KIF20B: variants seen among roughly 807,000 people sequenced by gnomAD.
KIF20B encodes kinesin-like protein KIF20B.
A neutral mutation model predicts 232.5 loss-of-function variants in KIF20B; 188 were observed. The ratio of observed to expected loss-of-function variants is 0.81; its 90% CI spans 0.72 to 0.91. KIF20B has a LOEUF of 0.91. Among genes scored for constraint, KIF20B ranks in the 40% least tolerant of loss-of-function variants. The pLI is 0.00. For missense variants in KIF20B, 2,154 were observed against 2,055.9 expected, an observed-to-expected ratio of 1.05 and a Z score of -0.92; for synonymous variants, 712 against 683.0, an observed-to-expected ratio of 1.04 and a Z score of -0.66.
Position 89,762,696 on chromosome 10 carries a change from G to A in KIF20B, c.4850G>A (p.Arg1617Gln), listed in dbSNP as rs756536781. 1.2e-5 allele frequency: 20 copies of A among 1,613,434 alleles called. No homozygotes were observed. The highest frequency in any genetic ancestry group is 3.3e-5 in the Admixed American group (2 of 59,902). The change falls in exon 29 of 33, where the codon CGA becomes CAA. Residue 1617 changes from arginine to glutamine, a missense_variant. Transcript: ENST00000371728. ...TCAACAGAAAATGATCAAAGCACTC[G>A]ATTTCCAAAACCTGAGTTAGAGATT... is the stretch of plus-strand genomic sequence containing the variant. Reference protein sequence around the residue: ...EVSTENDQSTRFPKPELEIQF... With the variant: ...EVSTENDQSTQFPKPELEIQF...
Position 89,754,516 on chromosome 10 carries a change from AG to A in KIF20B, c.4348del. ...AATAACTTATACCATTTATATATAC[AG>A]GAGTCTGAACAGAAATATAATGCTG... On this transcript the variant is annotated splice_acceptor_variant, in intron 25 of 32. Transcript: ENST00000371728. LOFTEE classifies it high-confidence loss of function. 1 of 1,568,716 alleles carries A rather than the reference AG, an allele frequency of 6.4e-7. No homozygotes were observed. The highest frequency in any genetic ancestry group is 8.6e-7 in the Non-Finnish European group (1 of 1,156,316).
In KIF20B at chr10:89,770,686, A is replaced by G. The variant is rs1248246028; in HGVS notation, c.5242+1798A>G. ...CTATTTTGAACTGTAACTGTAATAC[A>G]TATTTGTTGTTTTGGGTCACTTGGA... On this transcript the variant is annotated intron_variant, in intron 31 of 32. Transcript: ENST00000371728. Among the ~76,000 whole-genome samples, 5 of 151,954 alleles carry G rather than the reference A, an allele frequency of 3.3e-5. No individual in the cohort carries two copies. In the East Asian group the frequency reaches 9.7e-4, roughly 29 times the overall value.
chr10:89,738,989 C>G lies in KIF20B; in HGVS notation c.3808C>G (p.Arg1270Gly). 6.2e-7 allele frequency: 1 copy of G among 1,613,098 alleles called. No individual in the cohort carries two copies. Among genetic ancestry groups the G allele is most frequent in the Non-Finnish European group, 8.5e-7 (1 of 1,179,518 alleles). Residue 1270 changes from arginine (R) to glycine (G), a missense_variant, in exon 21 of 33, where the codon CGT becomes GGT. Coordinates refer to ENST00000371728, the MANE Select transcript of KIF20B (RefSeq NM_001284259.2). ...AGAGGAACTCTCTGCAAGCTCTGCT[C>G]GTACCCAGAATCTGAAAGCAGATCT... ...LKEELSASSA[R>G]TQNLKADLQR... is the part of the protein sequence containing the mutation.
At chr10:89,755,193 G>A (rs78401005) in intron 26 of KIF20B, among the ~76,000 whole-genome samples, 4,091 of 152,294 alleles carry the variant, frequency 0.027, 362 homozygotes, top group East Asian at 0.27. Context: ...GAAGCTAAAC[G>A]TTATCGTTAA....
At chr10:89,737,301 T>G in intron 19 of KIF20B, 86 bp from the exon 20 acceptor site, 1 of 1,274,082 alleles carries the variant, frequency 7.8e-7, no homozygotes, top group Non-Finnish European at 1.0e-6. Context: ...TTTACATGTT[T>G]TGTATGTTTG....
At chr10:89,712,342 C>T (rs1589852445) in intron 6 of KIF20B, among the ~76,000 whole-genome samples, 1 of 151,892 alleles carries the variant, frequency 6.6e-6, no homozygotes, top group South Asian at 2.1e-4. Flanking sequence ...CTGTCTTGAA[C>T]TCCTGGGCAC....
Position 89,718,854 on chromosome 10 carries a change from C to T in KIF20B, c.1416C>T (p.Phe472=). ...ATGAAACACTCAATGTATTGAAGTT[C>T]TCCGCCATTGCACAAAAAGTAAATA... ...AYDETLNVLK[F]SAIAQKVCVP... Residue 472 remains phenylalanine (F), a synonymous_variant, in exon 12 of 33, where the codon TTC becomes TTT. Coordinates refer to ENST00000371728, the MANE Select transcript of KIF20B (RefSeq NM_001284259.2). 6.4e-7 allele frequency: 1 copy of T among 1,560,906 alleles called. No homozygotes were observed.
chr10:89,730,640 C>A (rs1481229165), intron 18 of KIF20B, among the ~76,000 whole-genome samples: 1 of 152,002 alleles, frequency 6.6e-6, no homozygotes. Flanking sequence ...TGCACAAAGT[C>A]ATGGAAATGA....
chr10:89,715,181 A>C lies in KIF20B; in HGVS notation c.939A>C (p.Lys313Asn). The change falls in exon 8 of 33, where the codon AAA becomes AAC. Residue 313 changes from lysine to asparagine, a missense_variant and splice_region_variant. Lys to Asn is a moderately conservative substitution (Grantham distance 94). Transcript: ENST00000371728. ...ACGTAAAGGGCTATTCTTTTATAAA[A>C]GGTATACTAATGAATATTTTTATCT... is the stretch of plus-strand genomic sequence containing the variant. ...SQDVKGYSFIKDLQWIQVSDS... is the reference protein window; with the variant it reads ...SQDVKGYSFINDLQWIQVSDS... The C allele has an allele frequency of 6.4e-7, 1 of 1,555,978 alleles. No individual in the cohort carries two copies. Among genetic ancestry groups the C allele is most frequent in the Non-Finnish European group, 8.8e-7 (1 of 1,138,414 alleles).
At chr10:89,771,975 GCT>G (rs756278982) in intron 31 of KIF20B, among the ~76,000 whole-genome samples, 19 of 151,796 alleles carry the variant, frequency 1.3e-4, no homozygotes, top group Non-Finnish European at 1.9e-4. Context: ...TGGACTCTCA[GCT>G]CTCTCAAGCC....
chr10:89,773,850 A>C, intron 32 of KIF20B, 121 bp from the exon 33 acceptor site: 1 of 461,548 alleles, frequency 2.2e-6, no homozygotes, highest in Non-Finnish European at 3.8e-6. Context: ...TAAGTAAAAA[A>C]AATTCTCCAA....
chr10:89,716,386 C>T (rs372754897), intron 8 of KIF20B, 50 bp from the exon 9 acceptor site: 3 of 786,354 alleles, frequency 3.8e-6, no homozygotes, highest in African/African-American at 3.6e-5. Context: ...CATTGTAGAA[C>T]ACATTCTTTG....
At chr10:89,740,233 CT>C (rs35967236) in intron 21 of KIF20B, among the ~76,000 whole-genome samples, 71,644 of 134,970 alleles carry the variant, frequency 0.53, 18,822 homozygotes, top group South Asian at 0.7. Flanking sequence ...ATTGTGCTGT[CT>C]TTTTTTTTTT....
chr10:89,724,739 C>T (rs1354899929), intron 14 of KIF20B, among the ~76,000 whole-genome samples: 2 of 152,048 alleles, frequency 1.3e-5, no homozygotes, highest in East Asian at 1.9e-4. Flanking sequence ...GCCTTAGCCT[C>T]CTGAGTAGCT....
At chr10:89,729,730 ATGTAAAGACT>A (rs2133114779) in intron 18 of KIF20B, among the ~76,000 whole-genome samples, 1 of 152,344 alleles carries the variant, frequency 6.6e-6, no homozygotes, top group African/African-American at 2.4e-5. Flanking sequence ...ACACTGTGAC[ATGTAAAGACT>A]TAAAGGGTTG....
At chr10:89,760,661 C>T (rs1225810396) in intron 28 of KIF20B, 25 bp downstream of exon 28, 13 of 1,308,214 alleles carry the variant, frequency 9.9e-6, no homozygotes, top group Non-Finnish European at 1.3e-5. Context: ...GCACAGTCCA[C>T]TTATTTATTC....
chr10:89,751,418 A>C lies in KIF20B; in HGVS notation c.4169A>C (p.Glu1390Ala). The C allele has an allele frequency of 6.2e-7, 1 of 1,610,284 alleles. No homozygotes were observed. The highest frequency in any genetic ancestry group is 1.3e-5 in the African/African-American group (1 of 74,986). ...TLEEQEQTQV[E>A]QDQVLEAKLE... ...GAAGAACAGGAACAAACTCAGGTAG[A>C]ACAGGATCAAGTGCTTGAGGCTAAA... Residue 1390 changes from glutamate to alanine, a missense_variant, in exon 24 of 33, where the codon GAA becomes GCA. Coordinates refer to ENST00000371728, the MANE Select transcript of KIF20B (RefSeq NM_001284259.2).
chr10:89,752,801 A>G (rs1305120850), intron 25 of KIF20B, 110 bp downstream of exon 25: 11 of 705,178 alleles, frequency 1.6e-5, no homozygotes, highest in Admixed American at 4.0e-5. Flanking sequence ...ATATGGGTGA[A>G]ATAATACCTG....
rs572476621 is a variant in KIF20B, at chr10:89,732,075, A to G, written c.2392-828A>G. On this transcript the variant is annotated intron_variant, in intron 18 of 32. Transcript: ENST00000371728. ...ATGCTGAGTTTTACCCTTCTTCTAA[A>G]TCCATATTATACCCTTTTTTTGGAA... 4.6e-5 allele frequency among the ~76,000 whole-genome samples: 7 copies of G among 152,006 alleles called. No individual in the cohort carries two copies. The South Asian group carries it at 1.2e-3, about 27-fold the overall frequency.
Sources: allele counts gnomAD v4.1 joint callset (sites outside exome capture counted in the v4.1 genomes callset), GRCh38; gene constraint gnomAD v4.1.1; transcripts MANE v1.5; gene names NCBI Gene and HGNC (gene_info 2026-07-23, HGNC 2026-07-21).